The following FBXO34 variants were observed in gnomAD, a reference collection of about 807,000 sequenced individuals.
FBXO34 encodes F-box protein 34.
FBXO34 carries 12 observed loss-of-function variants against 24.5 expected under a neutral mutation model. The observed-to-expected ratio is 0.49, with a 90% CI of 0.31 to 0.79. The LOEUF (loss-of-function observed/expected upper bound fraction) is 0.79. FBXO34 is among the 30% of genes least tolerant of loss of function. FBXO34 has a pLI of 0.04. For synonymous variants in FBXO34, 320 were observed against 311.9 expected (o/e 1.03, Z -0.27); for missense variants, 823 against 857.7 (o/e 0.96, Z 0.51).
At chr14:55,421,003 G>A in the FBXO34 span, among the ~76,000 whole-genome samples, 8 of 149,352 alleles carry the variant, frequency 5.4e-5, no homozygotes, top group African/African-American at 2.0e-4. Context: ...GGAGGTTGCA[G>A]TGAGCCGAGA....
the FBXO34 span, among the ~76,000 whole-genome samples, chr14:55,377,431 A>G: frequency 6.6e-6 from 1 of 152,112 alleles, no homozygotes; most frequent in Non-Finnish European, 1.5e-5. Flanking sequence ...CAGGGCAGAC[A>G]CTAGGTAGGG....
chr14:55,421,782 C>T, the FBXO34 span, among the ~76,000 whole-genome samples: 2 of 152,090 alleles, frequency 1.3e-5, no homozygotes, highest in Admixed American at 1.3e-4. Flanking sequence ...TCTTTGAAGA[C>T]ACATTAATTA....
intron 1 of FBXO34, among the ~76,000 whole-genome samples, chr14:55,295,657 A>G (rs966672327): frequency 1.3e-5 from 2 of 152,232 alleles, no homozygotes; most frequent in Admixed American, 6.5e-5. Context: ...CGGCCTCCCA[A>G]AGTGCTGGGA....
chr14:55,297,157 G>GTTCTA (rs1185140368), intron 1 of FBXO34, among the ~76,000 whole-genome samples: 26 of 152,148 alleles, frequency 1.7e-4, no homozygotes, highest in Non-Finnish European at 7.3e-5. Flanking sequence ...CACAACTGCC[G>GTTCTA]GCATATATGT....
At chr14:55,435,843 T>G in the FBXO34 span, 1 of 1,548,808 alleles carries the variant, frequency 6.5e-7, no homozygotes, top group African/African-American at 1.4e-5. Context: ...CTGAGAAATG[T>G]TACCTTTGGG....
At chr14:55,274,516 T>TTA (rs1416159340) in intron 1 of FBXO34, among the ~76,000 whole-genome samples, 1 of 152,212 alleles carries the variant, frequency 6.6e-6, no homozygotes, top group Non-Finnish European at 1.5e-5. Flanking sequence ...TTTATTATTT[T>TTA]AAGTCATTTT....
intron 1 of FBXO34, among the ~76,000 whole-genome samples, chr14:55,323,226 T>TATATATATATATATATATATATA (rs1491370677): frequency 1.9e-4 from 4 of 20,530 alleles, no homozygotes; most frequent in African/African-American, 1.4e-3. Flanking sequence ...AAAATATATA[T>TATATATATATATATATATATATA]TTTTTTTTTT....
chr14:55,348,532 C>G (rs142593862), intron 1 of FBXO34, among the ~76,000 whole-genome samples: 37 of 151,458 alleles, frequency 2.4e-4, no homozygotes, highest in African/African-American at 9.0e-4. Flanking sequence ...ATATGGCAGC[C>G]TCTATGGTAA....
At chr14:55,377,310 G>A in the FBXO34 span, among the ~76,000 whole-genome samples, 1 of 152,092 alleles carries the variant, frequency 6.6e-6, no homozygotes, top group East Asian at 1.9e-4. Context: ...TTGCACCACT[G>A]CACTCTAGCC....
the FBXO34 span, among the ~76,000 whole-genome samples, chr14:55,427,759 C>T: frequency 6.6e-6 from 1 of 151,650 alleles, no homozygotes; most frequent in Non-Finnish European, 1.5e-5. Context: ...AGTCTGAAGT[C>T]AGGAAGGCTA....
intron 1 of FBXO34, among the ~76,000 whole-genome samples, chr14:55,325,141 A>C (rs116033584): frequency 0.014 from 2,156 of 152,352 alleles, 59 homozygotes; most frequent in African/African-American, 0.049. Flanking sequence ...GTCTATTAAT[A>C]GTGCTGAATA....
chr14:55,328,731 T>A (rs1242192795), intron 1 of FBXO34, among the ~76,000 whole-genome samples: 1 of 152,156 alleles, frequency 6.6e-6, no homozygotes, highest in Non-Finnish European at 1.5e-5. Flanking sequence ...GTAGGTAATG[T>A]TTAGAGCTGT....
rs1397750191 is a variant in FBXO34 at position 55,331,667 on chromosome 14, G to GTGTGTATATATATATA, written c.-10-18696_-10-18681dup. Reference sequence around the variant, plus strand: ...AAAAATATATATATACCAACATGGTGTGTGTATATATATATATGTGTATAT... The same window carrying GTGTGTATATATATATA: ...AAAAATATATATATACCAACATGGTGTGTGTATATATATATATGTGTATATATATATATGTGTATAT... On this transcript the variant is annotated intron_variant, in intron 1 of 1. Transcript: ENST00000313833. Among the ~76,000 whole-genome samples, 5 of 54,084 alleles carry GTGTGTATATATATATA rather than the reference G, an allele frequency of 9.2e-5. 2 individuals carry two copies. The highest frequency in any genetic ancestry group is 1.7e-4 in the Non-Finnish European group (5 of 28,798). The allele number at this position is 54,084 out of a possible 152,430, so 35.5% of individuals were successfully genotyped here.
chr14:55,308,648 G>A (rs1882633690), intron 1 of FBXO34, among the ~76,000 whole-genome samples: 1 of 152,156 alleles, frequency 6.6e-6, no homozygotes. Context: ...GAAAACAGTG[G>A]TTTACTGTAA....
At chr14:55,395,153 T>C in the FBXO34 span, 11 of 469,732 alleles carry the variant, frequency 2.3e-5, no homozygotes, top group South Asian at 1.7e-4. Flanking sequence ...CAGGAGCAGG[T>C]TCAGCTGATA....
the FBXO34 span, among the ~76,000 whole-genome samples, chr14:55,380,855 G>GTA: frequency 0.015 from 1,721 of 117,978 alleles, 27 homozygotes; most frequent in Middle Eastern, 0.032. Context: ...TTCTTTGTGT[G>GTA]TATATATATA....
chr14:55,408,370 G>A, the FBXO34 span, among the ~76,000 whole-genome samples: 5 of 152,108 alleles, frequency 3.3e-5, no homozygotes, highest in African/African-American at 1.2e-4. Flanking sequence ...CAGGAGAATC[G>A]CTTGAGAACA....
At chr14:55,274,862 A>G (rs1881282091) in intron 1 of FBXO34, among the ~76,000 whole-genome samples, 1 of 152,242 alleles carries the variant, frequency 6.6e-6, no homozygotes, top group Non-Finnish European at 1.5e-5. Context: ...GTTTAGAACC[A>G]GATACTTGAG....
At chr14:55,441,880 A>T in the FBXO34 span, among the ~76,000 whole-genome samples, 2 of 151,770 alleles carry the variant, frequency 1.3e-5, no homozygotes, top group African/African-American at 4.8e-5. Context: ...CTTGTGCCTC[A>T]GTCTCCCGAG....
Sources: gnomAD v4.1 joint callset for allele counts (sites outside exome capture counted in the v4.1 genomes callset) on GRCh38, gnomAD v4.1.1 for gene constraint, MANE v1.5 for transcripts, NCBI Gene and HGNC (gene_info 2026-07-23, HGNC 2026-07-21) for gene names.